Variants in ZNF777 observed in about 807,000 individuals in gnomAD.
ZNF777 encodes zinc finger protein 777.
Under a neutral mutation model 72.1 loss-of-function variants are expected in ZNF777, and 7 were observed. That is an observed-to-expected ratio of 0.10 (90% CI 0.06 to 0.18). The LOEUF (loss-of-function observed/expected upper bound fraction) is 0.18. Among genes scored for constraint, ZNF777 ranks in the 10% least tolerant of loss-of-function variants. ZNF777 has a pLI of 1.00. For missense variants in ZNF777, 828 were observed against 1,128.6 expected, an observed-to-expected ratio of 0.73 and a Z score of 3.82; for synonymous variants, 545 against 483.5, an observed-to-expected ratio of 1.13 and a Z score of -1.67.
intron 5 of ZNF777, among the ~76,000 whole-genome samples, chr7:149,435,494 G>A (rs1425199779): frequency 6.6e-6 from 1 of 152,058 alleles, no homozygotes; most frequent in Non-Finnish European, 1.5e-5. Context: ...TTTGACCAAC[G>A]AGATGGTCAT....
chr7:149,453,246 A>C (rs1472799593), intron 3 of ZNF777, among the ~76,000 whole-genome samples: 2 of 152,220 alleles, frequency 1.3e-5, no homozygotes, highest in Admixed American at 1.3e-4. Context: ...AAATCATTTA[A>C]ATTGTTGAAT....
intron 4 of ZNF777, among the ~76,000 whole-genome samples, chr7:149,441,862 G>T (rs542333311): frequency 6.6e-6 from 1 of 151,656 alleles, no homozygotes; most frequent in Non-Finnish European, 1.5e-5. Flanking sequence ...ATTTTTATAG[G>T]TTTTTTTTGA....
chr7:149,448,493 A>AAC (rs1563237636), intron 4 of ZNF777, among the ~76,000 whole-genome samples: 9 of 112,566 alleles, frequency 8.0e-5, no homozygotes, highest in African/African-American at 2.6e-4. Flanking sequence ...AACTATATAT[A>AAC]TATATATATA....
chr7:149,453,948 G>A (rs536774257), intron 3 of ZNF777, among the ~76,000 whole-genome samples, 163 bp downstream of exon 3: 1 of 152,356 alleles, frequency 6.6e-6, no homozygotes, highest in African/African-American at 2.4e-5. Flanking sequence ...ACTGATGTGT[G>A]TGGGTATATG....
chr7:149,457,772 T>C (rs2116611226), intron 1 of ZNF777, among the ~76,000 whole-genome samples: 1 of 152,368 alleles, frequency 6.6e-6, no homozygotes, highest in East Asian at 1.9e-4. Flanking sequence ...ATTTATTATG[T>C]GCCATGAGCT....
chr7:149,444,909 G>A (rs1051412513), intron 4 of ZNF777, among the ~76,000 whole-genome samples: 1 of 152,122 alleles, frequency 6.6e-6, no homozygotes, highest in Non-Finnish European at 1.5e-5. Context: ...AGAAAATTAC[G>A]GCTTTAATTG....
At chr7:149,457,718 G>C (rs1458823633) in intron 1 of ZNF777, among the ~76,000 whole-genome samples, 1 of 152,230 alleles carries the variant, frequency 6.6e-6, no homozygotes, top group Non-Finnish European at 1.5e-5. Context: ...CCGCGAACCA[G>C]ACATGAGCGC....
intron 4 of ZNF777, among the ~76,000 whole-genome samples, chr7:149,444,905 T>C (rs1382358752): frequency 2.0e-5 from 3 of 152,236 alleles, no homozygotes; most frequent in Non-Finnish European, 4.4e-5. Context: ...ATCTAGAAAA[T>C]TACGGCTTTA....
intron 4 of ZNF777, among the ~76,000 whole-genome samples, chr7:149,439,436 T>C (rs1274248339): frequency 2.0e-5 from 3 of 152,212 alleles, no homozygotes; most frequent in African/African-American, 4.8e-5. Context: ...TTCTGGAGTA[T>C]TGTAAATATT....
At chr7:149,434,135 G>A (rs950979964) in intron 5 of ZNF777, among the ~76,000 whole-genome samples, 4 of 152,172 alleles carry the variant, frequency 2.6e-5, no homozygotes, top group African/African-American at 9.7e-5. Context: ...GAGATATCAA[G>A]TGATGTTTCC....
At chr7:149,438,467 G>A (rs531876900) in intron 4 of ZNF777, among the ~76,000 whole-genome samples, 7 of 152,288 alleles carry the variant, frequency 4.6e-5, no homozygotes, top group African/African-American at 1.7e-4. Flanking sequence ...AATAGAATAT[G>A]TCATGTACAC....
At chr7:149,434,640 T>C (rs945023641) in intron 5 of ZNF777, among the ~76,000 whole-genome samples, 2 of 152,216 alleles carry the variant, frequency 1.3e-5, no homozygotes, top group Non-Finnish European at 2.9e-5. Flanking sequence ...TGGAGTGCAG[T>C]GGCACGATCT....
chr7:149,451,750 G>A (rs747136410), intron 3 of ZNF777, among the ~76,000 whole-genome samples: 7 of 152,074 alleles, frequency 4.6e-5, no homozygotes, highest in Admixed American at 6.6e-5. Context: ...ATAAAATATC[G>A]ATAGATTTTC....
In ZNF777 at chr7:149,455,472, G is replaced by A. The variant is rs1056585001; in HGVS notation, c.551C>T (p.Thr184Ile). 2 of 1,614,020 alleles carry A rather than the reference G, an allele frequency of 1.2e-6. No individual in the cohort carries two copies. The highest frequency in any genetic ancestry group is 2.7e-5 in the African/African-American group (2 of 74,924). The change falls in exon 2 of 6, where the codon ACC becomes ATC. Residue 184 changes from threonine (T) to isoleucine (I), a missense_variant. By Grantham distance (89) the Thr-to-Ile change is moderately conservative. This residue lies in a region of ZNF777 where 76 missense variants were observed against 157.3 expected (regional missense o/e 0.48). Coordinates refer to ENST00000247930, the MANE Select transcript of ZNF777 (RefSeq NM_015694.3). This position sits in a 1 kb window ranked among gnomAD's most constrained non-coding sequence, Gnocchi z 4.2. ...KEQPLPTAEI[T>I]RLAVWAAVQA... is the part of the protein sequence containing the mutation. ...GACGGCAGCCCACACAGCCAAGCGG[G>A]TGATCTCTGCCGTGGGGAGCGGCTG...
In ZNF777 at chr7:149,432,505, G is replaced by A. The variant is rs1799331737; in HGVS notation, c.1767C>T (p.Leu589=). 4 of 1,613,744 alleles carry A rather than the reference G, an allele frequency of 2.5e-6. No individual in the cohort carries two copies. Among genetic ancestry groups the A allele is most frequent in the African/African-American group, 1.3e-5 (1 of 74,920 alleles). ...CGCGGTGGATGCGCTGGTGCAGCGT[G>A]AGCTGTTGCTTGTGCCGGAAGCTGA... ...CEISFRHKQQ[L]TLHQRIHRVR... Residue 589 remains leucine (L), a synonymous_variant, in exon 6 of 6, where the codon CTC becomes CTT. Coordinates refer to ENST00000247930, the MANE Select transcript of ZNF777 (RefSeq NM_015694.3).
chr7:149,441,677 T>C (rs1188277124), intron 4 of ZNF777, among the ~76,000 whole-genome samples: 1 of 152,216 alleles, frequency 6.6e-6, no homozygotes, highest in Non-Finnish European at 1.5e-5. Flanking sequence ...GGGGAAATCC[T>C]ATAAGTTGTT....
In ZNF777 at chr7:149,455,420, G is replaced by A; in HGVS notation, c.603C>T (p.Ala201=). Residue 201 remains alanine (A), a synonymous_variant, in exon 2 of 6, where the codon GCC becomes GCT. Transcript: ENST00000247930. The surrounding 1 kb of genome is among the most constrained non-coding windows in gnomAD (Gnocchi z 4.2). ...CCAGGGTCAGTAGCCTCATGGCCTGGGCCTCCAGCTTCCTCTCCACTGCTT... is the reference window on the plus strand; with the variant it reads ...CCAGGGTCAGTAGCCTCATGGCCTGAGCCTCCAGCTTCCTCTCCACTGCTT... ...AVQAVERKLE[A]QAMRLLTLEG... is the part of the protein sequence containing the mutation. 6.2e-7 allele frequency: 1 copy of A among 1,614,174 alleles called. No homozygotes were observed. The highest frequency in any genetic ancestry group is 8.5e-7 in the Non-Finnish European group (1 of 1,180,042).
At chr7:149,449,209 C>T (rs1003711919) in intron 4 of ZNF777, among the ~76,000 whole-genome samples, 5 of 152,196 alleles carry the variant, frequency 3.3e-5, no homozygotes, top group African/African-American at 1.2e-4. Flanking sequence ...GCAGCGGTAC[C>T]TATGTCCTCC....
intron 4 of ZNF777, among the ~76,000 whole-genome samples, chr7:149,445,986 C>T (rs992592610): frequency 2.6e-5 from 4 of 152,196 alleles, no homozygotes; most frequent in African/African-American, 4.8e-5. Flanking sequence ...TCCCCAGTAC[C>T]AATTTCAGAT....
Sources: allele counts gnomAD v4.1 joint callset (sites outside exome capture counted in the v4.1 genomes callset), GRCh38; gene constraint gnomAD v4.1.1; regional missense constraint gnomAD v4.1.1; non-coding constraint Gnocchi (gnomAD v3.1); transcripts MANE v1.5; gene names NCBI Gene and HGNC (gene_info 2026-07-23, HGNC 2026-07-21).